TXLNB: variants seen among roughly 807,000 people sequenced by gnomAD.
TXLNB encodes the protein taxilin beta, also known as beta-taxilin.
TXLNB carries 37 observed loss-of-function variants against 57.4 expected under a neutral mutation model. The observed-to-expected ratio is 0.64, with a 90% CI of 0.50 to 0.85. TXLNB has a LOEUF of 0.85. TXLNB is among the 40% of genes least tolerant of loss of function. The probability of loss-of-function intolerance (pLI) is 0.00; values close to 1 mark genes in which losing one functional copy is unlikely to be tolerated. For synonymous variants in TXLNB, 302 were observed against 309.6 expected, an observed-to-expected ratio of 0.98 and a Z score of 0.26; for missense variants, 848 against 825.6, an observed-to-expected ratio of 1.03 and a Z score of -0.33.
chr6:139,194,286 C>A, the TXLNB span, among the ~76,000 whole-genome samples: 2 of 152,104 alleles, frequency 1.3e-5, no homozygotes, highest in Admixed American at 6.5e-5. Context: ...ATGGCCAAGA[C>A]CAAAGTCAAT....
At chr6:139,210,379 G>C in the TXLNB span, among the ~76,000 whole-genome samples, 1 of 152,106 alleles carries the variant, frequency 6.6e-6, no homozygotes, top group South Asian at 2.1e-4. Context: ...CAAAGGAAAA[G>C]AATTCATTTT....
chr6:139,166,629 G>C, the TXLNB span: 1 of 1,614,220 alleles, frequency 6.2e-7, no homozygotes. Context: ...AAGAAGTCTG[G>C]CTCCGAGAAG....
the TXLNB span, among the ~76,000 whole-genome samples, chr6:139,192,486 T>C: frequency 6.6e-6 from 1 of 152,192 alleles, no homozygotes; most frequent in Non-Finnish European, 1.5e-5. Flanking sequence ...GTTAAGGACA[T>C]AGGTACTTGT....
At chr6:139,295,128 A>G (rs1025607048), upstream of TXLNB, among the ~76,000 whole-genome samples, 5 of 151,878 alleles carry the variant, frequency 3.3e-5, no homozygotes, top group African/African-American at 1.2e-4. Flanking sequence ...ACTTGAATAG[A>G]TACACACATG....
At chr6:139,221,373 G>T in the TXLNB span, among the ~76,000 whole-genome samples, 1 of 152,148 alleles carries the variant, frequency 6.6e-6, no homozygotes, top group South Asian at 2.1e-4. Flanking sequence ...TTATGATTGG[G>T]TAAGATAATT....
chr6:139,292,086 G>C (rs56828200), upstream of TXLNB: 1 of 144,542 alleles, frequency 6.9e-6, no homozygotes, highest in Admixed American at 6.9e-5. The surrounding 1 kb of genome is among the most constrained non-coding windows in gnomAD (Gnocchi z 4.0). Flanking sequence ...GCACGCGCGC[G>C]CACACACACA....
Position 139,260,340 on chromosome 6 carries a change from C to T in TXLNB, c.980G>A (p.Arg327Gln), listed in dbSNP as rs570947550. 1.8e-5 allele frequency: 29 copies of T among 1,614,100 alleles called. 1 individual carries two copies. Among genetic ancestry groups the T allele is most frequent in the African/African-American group, 6.7e-5 (5 of 75,032 alleles). Reference protein sequence around the residue: ...AQEMMKEAEERHKREKEYLLN... With the variant: ...AQEMMKEAEEQHKREKEYLLN... ...TACATATTCCTTTTCTCGTTTGTGT[C>T]GCTCCTCCGCTTCCTTCATCATTTC... Residue 327 changes from arginine (R) to glutamine (Q), a missense_variant, in exon 6 of 10, where the codon CGA (arginine) becomes CAA (glutamine). Arg to Gln is a conservative substitution (Grantham distance 43, BLOSUM62 1). Transcript: ENST00000358430.
the TXLNB span, among the ~76,000 whole-genome samples, chr6:139,316,235 T>C: frequency 0.018 from 2,807 of 152,344 alleles, 76 homozygotes; most frequent in African/African-American, 0.064. Flanking sequence ...TAGGCCTACC[T>C]GTGCACTTCC....
At chr6:139,273,562 T>TC (rs1776821503) in intron 3 of TXLNB, among the ~76,000 whole-genome samples, 1 of 152,216 alleles carries the variant, frequency 6.6e-6, no homozygotes, top group South Asian at 2.1e-4. Context: ...AACGCCTAGC[T>TC]CCAGCCATCC....
chr6:139,198,517 G>C, the TXLNB span, among the ~76,000 whole-genome samples: 16,523 of 152,084 alleles, frequency 0.11, 1,331 homozygotes, highest in African/African-American at 0.21. Flanking sequence ...CAGATAAGCT[G>C]TTGTGTTGGT....
the TXLNB span, among the ~76,000 whole-genome samples, chr6:139,161,681 C>A: frequency 2.6e-5 from 4 of 152,202 alleles, no homozygotes; most frequent in African/African-American, 9.7e-5. Flanking sequence ...TCAAGTCAGT[C>A]TCAACATTTA....
chr6:139,218,948 C>A, the TXLNB span, among the ~76,000 whole-genome samples: 1 of 152,168 alleles, frequency 6.6e-6, no homozygotes, highest in South Asian at 2.1e-4. Context: ...TGGCTGAGTT[C>A]TTTGAGTATA....
At chr6:139,220,537 C>T in the TXLNB span, among the ~76,000 whole-genome samples, 1 of 152,114 alleles carries the variant, frequency 6.6e-6, no homozygotes, top group Non-Finnish European at 1.5e-5. Flanking sequence ...AAAGTAGCTC[C>T]TCGGAGAGCT....
In TXLNB at chr6:139,240,323, A is replaced by T. The variant is rs1775903555; in HGVS notation, c.*2203T>A. On this transcript the variant is annotated 3_prime_UTR_variant, in exon 10 of 10. Coordinates refer to ENST00000358430, the MANE Select transcript of TXLNB (RefSeq NM_153235.4). The stretch of plus-strand genomic sequence containing the variant: ...TCCCCCAAAACCTATATTAAGCTTT[A>T]CAAATTTCAGACAAGTCATTCCATC... The T allele has an allele frequency of 6.5e-6, 1 of 152,694 alleles. No individual in the cohort carries two copies. The highest frequency in any genetic ancestry group is 1.5e-5 in the Non-Finnish European group (1 of 68,048). The allele number at this position is 152,694 out of a possible 1,614,324, so 9.5% of individuals were successfully genotyped here.
chr6:139,216,846 G>A, the TXLNB span, among the ~76,000 whole-genome samples: 1 of 152,212 alleles, frequency 6.6e-6, no homozygotes, highest in East Asian at 1.9e-4. Context: ...ATGATATAAT[G>A]GACTTTGGGG....
the TXLNB span, among the ~76,000 whole-genome samples, chr6:139,164,711 A>T: frequency 3.9e-5 from 6 of 152,148 alleles, no homozygotes; most frequent in Non-Finnish European, 7.4e-5. Context: ...GCCAAGACAC[A>T]AGTGGGGAAG....
intron 6 of TXLNB, among the ~76,000 whole-genome samples, chr6:139,259,899 C>G (rs1006245375): frequency 2.6e-5 from 4 of 152,160 alleles, no homozygotes; most frequent in Admixed American, 6.5e-5. Flanking sequence ...GGCTCTTTCT[C>G]CATCAGTCTA....
Position 139,242,786 on chromosome 6 carries a change from C to T in TXLNB, c.1795G>A (p.Ala599Thr), listed in dbSNP as rs766935691. Reference protein sequence around the residue: ...QCEGLPVGAQADQASWKPEAE... With the variant: ...QCEGLPVGAQTDQASWKPEAE... Reference sequence around the variant, plus strand: ...TCTGGCTTCCAGGACGCCTGATCAGCCTGTGCTCCAACAGGGAGACCCTCG... The same window carrying T: ...TCTGGCTTCCAGGACGCCTGATCAGTCTGTGCTCCAACAGGGAGACCCTCG... Residue 599 changes from alanine to threonine, a missense_variant, in exon 10 of 10, where the codon GCT becomes ACT. Ala to Thr is a moderately conservative substitution (Grantham distance 58). Coordinates refer to ENST00000358430, the MANE Select transcript of TXLNB (RefSeq NM_153235.4). The T allele has an allele frequency of 1.2e-5, 20 of 1,614,134 alleles. No homozygotes were observed. The highest frequency in any genetic ancestry group is 1.6e-5 in the Non-Finnish European group (19 of 1,180,014).
At chr6:139,168,381 C>A in the TXLNB span, among the ~76,000 whole-genome samples, 1 of 149,324 alleles carries the variant, frequency 6.7e-6, no homozygotes, top group African/African-American at 2.5e-5. Context: ...GTCTAGGACT[C>A]CTTTTGTTTT....
Sources: allele counts gnomAD v4.1 joint callset (sites outside exome capture counted in the v4.1 genomes callset), GRCh38; gene constraint gnomAD v4.1.1; non-coding constraint Gnocchi (gnomAD v3.1); transcripts MANE v1.5; gene names NCBI Gene and HGNC (gene_info 2026-07-23, HGNC 2026-07-21).